The following SLC45A4 variants were observed in gnomAD, a reference collection of about 807,000 sequenced individuals.
The protein encoded by SLC45A4 is solute carrier family 45 member 4, also known as polyamine-transporter SLC45A4.
Under a neutral mutation model 63.7 loss-of-function variants are expected in SLC45A4, and 32 were observed. That is an observed-to-expected ratio of 0.50 (90% CI 0.38 to 0.67). SLC45A4 has a LOEUF of 0.67. SLC45A4 is among the 30% of genes least tolerant of loss of function. The pLI is 0.00. For synonymous variants in SLC45A4, 535 were observed against 510.0 expected (o/e 1.05, Z -0.66); for missense variants, 1,027 against 1,157.7 (o/e 0.89, Z 1.64).
intron 1 of SLC45A4, among the ~76,000 whole-genome samples, chr8:141,307,273 C>T (rs1394873372): frequency 6.6e-6 from 1 of 152,214 alleles, no homozygotes; most frequent in Non-Finnish European, 1.5e-5. Context: ...TGCTGAGACG[C>T]AGAAGGTGCG....
In SLC45A4 at chr8:141,218,971, C is replaced by T. The variant is rs1826400397; in HGVS notation, c.669G>A (p.Leu223=). ...GGTTCTGGGTCCGGAACCAGCTGCC[C>T]AGGAAGGTCTGGGTCCAGTCCAGCC... ...LGGLDWTQTF[L]GSWFRTQNQV... The change falls in exon 5 of 9, where the codon CTG becomes CTA. Residue 223 remains leucine, a synonymous_variant. Transcript: ENST00000517878. The T allele has an allele frequency of 1.9e-6, 3 of 1,613,476 alleles. No individual in the cohort carries two copies. Among genetic ancestry groups the T allele is most frequent in the Non-Finnish European group, 2.5e-6 (3 of 1,179,918 alleles).
At chr8:141,245,369 A>T (rs1569558632) in intron 2 of SLC45A4, among the ~76,000 whole-genome samples, 1 of 152,220 alleles carries the variant, frequency 6.6e-6, no homozygotes, top group Non-Finnish European at 1.5e-5. Context: ...CAAATAATGG[A>T]AATGAAAGAG....
intron 1 of SLC45A4, among the ~76,000 whole-genome samples, chr8:141,289,635 G>T (rs1308495069): frequency 1.3e-5 from 2 of 152,150 alleles, no homozygotes; most frequent in East Asian, 3.9e-4. Context: ...CGCCATGCTG[G>T]AAAGGGTCAG....
At position 141,216,997 on chromosome 8, in the gene SLC45A4, C is replaced by T. The variant is rs1826193930; in HGVS notation, c.1729+93G>A. On this transcript the variant is annotated intron_variant, in intron 6 of 8. Coordinates refer to ENST00000517878, the MANE Select transcript of SLC45A4 (RefSeq NM_001286646.2). ...CCCAGAAGTCAGTGCGACTGATGGC[C>T]CCAGCTTCTAAGGTGCAGGATTCTC... 13 of 1,302,510 alleles carry T rather than the reference C, an allele frequency of 1.0e-5. No homozygotes were observed. In the South Asian group the frequency reaches 1.6e-4, roughly 16 times the overall value. 80.7% of individuals were successfully genotyped at this position (1,302,510 alleles called of 1,614,324 possible). A position where few individuals can be genotyped will look rare whatever the true frequency, so the allele number is the denominator to read the frequency against.
At chr8:141,262,227 T>TA (rs1422389504) in intron 1 of SLC45A4, among the ~76,000 whole-genome samples, 1 of 150,962 alleles carries the variant, frequency 6.6e-6, no homozygotes, top group Non-Finnish European at 1.5e-5. Flanking sequence ...CAAGATGGAT[T>TA]AAAGACTTAC....
rs1827214250 is a variant in SLC45A4 at position 141,229,336 on chromosome 8, C to T, written c.242-7571G>A. ...GCAGCCCACAACACCCTACCCTACC[C>T]ACTGGCTGGACAGCCCATGCCAGAC... On this transcript the variant is annotated intron_variant, in intron 2 of 8. Coordinates refer to ENST00000517878, the MANE Select transcript of SLC45A4 (RefSeq NM_001286646.2). The surrounding 1 kb of genome is among the most constrained non-coding windows in gnomAD (Gnocchi z 5.0). Among the ~76,000 whole-genome samples the T allele has an allele frequency of 1.3e-5, 2 of 152,120 alleles. No individual in the cohort carries two copies. Among genetic ancestry groups the T allele is most frequent in the African/African-American group, 4.8e-5 (2 of 41,426 alleles).
At chr8:141,228,895 C>G (rs921766588) in intron 2 of SLC45A4, among the ~76,000 whole-genome samples, 14 of 152,128 alleles carry the variant, frequency 9.2e-5, no homozygotes, top group African/African-American at 3.1e-4. Context: ...TCCCCTAACT[C>G]AGAGAAAAGG....
chr8:141,271,985 C>A (rs1251537151), intron 1 of SLC45A4, among the ~76,000 whole-genome samples: 1 of 151,842 alleles, frequency 6.6e-6, no homozygotes, highest in Non-Finnish European at 1.5e-5. Context: ...TACACACATG[C>A]ACCCATACAC....
intron 2 of SLC45A4, among the ~76,000 whole-genome samples, chr8:141,241,047 C>A (rs192298623): frequency 2.3e-4 from 35 of 152,386 alleles, no homozygotes; most frequent in African/African-American, 7.9e-4. Context: ...GGCCTATGGG[C>A]ACCGGTTTGT....
rs6994692 is a variant in SLC45A4 at position 141,229,278 on chromosome 8, C to A, written c.242-7513G>T. Among the ~76,000 whole-genome samples, 13,232 of 152,048 alleles carry A rather than the reference C, an allele frequency of 0.087. 667 individuals carry two copies. Among genetic ancestry groups the A allele is most frequent in the East Asian group, 0.25 (1,269 of 5,140 alleles). On this transcript the variant is annotated intron_variant, in intron 2 of 8. Transcript: ENST00000517878. This position sits in a 1 kb window ranked among gnomAD's most constrained non-coding sequence, Gnocchi z 5.0. ...AACCCACTGCTTGCACCTGCCGTGG[C>A]GTCCAGGGCCCTCAAAGTCCTGCCT...
At chr8:141,291,973 C>T (rs535384599) in intron 1 of SLC45A4, among the ~76,000 whole-genome samples, 3 of 152,262 alleles carry the variant, frequency 2.0e-5, no homozygotes, top group Non-Finnish European at 4.4e-5. Context: ...TGGGACACTA[C>T]CGCTCAACCC....
At chr8:141,231,399 A>G (rs978604354) in intron 2 of SLC45A4, among the ~76,000 whole-genome samples, 13 of 152,218 alleles carry the variant, frequency 8.5e-5, no homozygotes, top group African/African-American at 3.1e-4. Flanking sequence ...GGTCCAACCT[A>G]GTACTCCCTG....
intron 1 of SLC45A4, among the ~76,000 whole-genome samples, chr8:141,285,978 C>T (rs147051147): frequency 6.1e-4 from 93 of 152,320 alleles, no homozygotes; most frequent in African/African-American, 1.7e-3. Context: ...AAGGGGCCTG[C>T]GGTTGCCTGG....
At chr8:141,247,704 G>C (rs776616705) in intron 2 of SLC45A4, among the ~76,000 whole-genome samples, 25 of 152,160 alleles carry the variant, frequency 1.6e-4, no homozygotes, top group Non-Finnish European at 5.9e-5. Flanking sequence ...GAGTCACTAC[G>C]CCTGGCCCAA....
chr8:141,219,903 A>G, intron 3 of SLC45A4, 74 bp from the exon 4 acceptor site: 1 of 1,397,392 alleles, frequency 7.2e-7, no homozygotes, highest in Non-Finnish European at 9.5e-7. Flanking sequence ...AAACAGCCAC[A>G]TGGAAGGGGC....
In SLC45A4 at chr8:141,212,180, G is replaced by C; in HGVS notation, c.2301+17C>G. 2 of 1,192,858 alleles carry C rather than the reference G, an allele frequency of 1.7e-6. No individual in the cohort carries two copies. Among genetic ancestry groups the C allele is most frequent in the Non-Finnish European group, 2.1e-6 (2 of 943,930 alleles). 73.9% of individuals were successfully genotyped at this position (1,192,858 alleles called of 1,614,324 possible). On this transcript the variant is annotated intron_variant, in intron 8 of 8. Transcript: ENST00000517878. ...CCCGCCCACTGGAATGTGTGTAAACGGGAGTGCGGCTCAGACCACGGACTC... is the reference window on the plus strand; with the variant it reads ...CCCGCCCACTGGAATGTGTGTAAACCGGAGTGCGGCTCAGACCACGGACTC...
chr8:141,285,907 T>A (rs1830125576), intron 1 of SLC45A4, among the ~76,000 whole-genome samples: 2 of 152,196 alleles, frequency 1.3e-5, no homozygotes, highest in African/African-American at 4.8e-5. Context: ...GTGGTGCTTC[T>A]CACAACAGAA....
chr8:141,261,191 G>A (rs944944136), intron 1 of SLC45A4, among the ~76,000 whole-genome samples: 5 of 152,268 alleles, frequency 3.3e-5, no homozygotes, highest in Non-Finnish European at 5.9e-5. Flanking sequence ...CATGCTAAAA[G>A]CTCTCAATAA....
At chr8:141,286,847 A>G (rs1161484228) in intron 1 of SLC45A4, among the ~76,000 whole-genome samples, 3 of 151,396 alleles carry the variant, frequency 2.0e-5, no homozygotes, top group African/African-American at 7.3e-5. Context: ...GCTCTTCACA[A>G]ACTACTTTAA....
Sources: gnomAD v4.1 joint callset for allele counts (sites outside exome capture counted in the v4.1 genomes callset) on GRCh38, gnomAD v4.1.1 for gene constraint, Gnocchi (gnomAD v3.1) non-coding constraint, MANE v1.5 for transcripts, NCBI Gene and HGNC (gene_info 2026-07-23, HGNC 2026-07-21) for gene names.